Variants in DLG2 observed in about 807,000 individuals in gnomAD.
DLG2 encodes disks large homolog 2.
In DLG2, 45 loss-of-function variants were observed where a neutral mutation model predicts 132.5. The observed-to-expected ratio is 0.34, with a 90% CI of 0.27 to 0.44. The LOEUF (loss-of-function observed/expected upper bound fraction) is 0.44. Ranked by LOEUF, DLG2 falls within the 20% of genes least tolerant of loss-of-function variation. DLG2 has a pLI of 1.00. For synonymous variants in DLG2, 424 were observed against 419.6 expected, an observed-to-expected ratio of 1.01 and a Z score of -0.13; for missense variants, 1,045 against 1,196.9, an observed-to-expected ratio of 0.87 and a Z score of 1.87.
chr11:84,461,910 G>A lies in DLG2; in HGVS notation c.519+72660C>T, dbSNP rs1288568985. On this transcript the variant is annotated intron_variant, in intron 7 of 27. Coordinates refer to ENST00000376104, the MANE Select transcript of DLG2 (RefSeq NM_001142699.3). Reference sequence around the variant, plus strand: ...GCCACATAGTAGCCATTCAGTAAATGCCTGGATAAATGAATGGGTGAATGA... The same window carrying A: ...GCCACATAGTAGCCATTCAGTAAATACCTGGATAAATGAATGGGTGAATGA... Among the ~76,000 whole-genome samples the A allele has an allele frequency of 2.0e-5, 3 of 150,752 alleles. No homozygotes were observed. In the East Asian group the frequency reaches 5.9e-4, roughly 29 times the overall value.
chr11:83,607,945 T>G (rs2059578766), intron 19 of DLG2, among the ~76,000 whole-genome samples: 1 of 152,198 alleles, frequency 6.6e-6, no homozygotes, highest in Non-Finnish European at 1.5e-5. Flanking sequence ...AAATTCAGAA[T>G]AGTAGTTATT....
At chr11:84,061,946 G>A (rs546793786) in intron 10 of DLG2, among the ~76,000 whole-genome samples, 45 of 151,604 alleles carry the variant, frequency 3.0e-4, no homozygotes, top group African/African-American at 1.0e-3. Context: ...CTGGTCCTTT[G>A]AGAGTGGGTA....
At chr11:84,315,742 G>A (rs1331826244) in intron 7 of DLG2, among the ~76,000 whole-genome samples, 1 of 151,998 alleles carries the variant, frequency 6.6e-6, no homozygotes, top group Non-Finnish European at 1.5e-5. Context: ...ATCAATCAAA[G>A]GCCATATATA....
chr11:84,902,444 A>C (rs1193547666), intron 6 of DLG2, among the ~76,000 whole-genome samples: 1 of 152,120 alleles, frequency 6.6e-6, no homozygotes, highest in Admixed American at 6.6e-5. Flanking sequence ...ACAGAAGCCG[A>C]ATATCTTAAT....
intron 3 of DLG2, chr11:85,524,978 CA>C (rs2074632350): frequency 1.3e-5 from 2 of 152,248 alleles, no homozygotes; most frequent in African/African-American, 4.8e-5. Flanking sequence ...ATACATTTGA[CA>C]AATGTATATA....
chr11:84,238,626 T>A (rs752967171), intron 8 of DLG2, among the ~76,000 whole-genome samples: 1 of 151,148 alleles, frequency 6.6e-6, no homozygotes, highest in East Asian at 1.9e-4. Context: ...CCCAGAAATA[T>A]GTTTTAGTAT....
chr11:83,722,907 G>T (rs2089029853), intron 18 of DLG2, among the ~76,000 whole-genome samples: 1 of 152,154 alleles, frequency 6.6e-6, no homozygotes. Flanking sequence ...TGATTTTTAA[G>T]TCCAGAACGT....
intron 6 of DLG2, among the ~76,000 whole-genome samples, chr11:84,638,680 A>T (rs556812373): frequency 2.0e-5 from 3 of 152,328 alleles, no homozygotes; most frequent in African/African-American, 7.2e-5. Context: ...AGTATGAAGT[A>T]GAAGGAACAG....
chr11:85,102,281 T>C (rs1461795043), intron 6 of DLG2, among the ~76,000 whole-genome samples: 1 of 152,040 alleles, frequency 6.6e-6, no homozygotes. Flanking sequence ...CTTCTCTGAG[T>C]TTCAGTTTCC....
At chr11:84,634,367 T>C (rs1565512404) in intron 6 of DLG2, among the ~76,000 whole-genome samples, 4 of 152,228 alleles carry the variant, frequency 2.6e-5, no homozygotes. Flanking sequence ...TGTCTACTTA[T>C]TTAAGTTCAT....
intron 3 of DLG2, among the ~76,000 whole-genome samples, chr11:85,485,383 A>AG: frequency 6.6e-6 from 1 of 152,190 alleles, no homozygotes; most frequent in South Asian, 2.1e-4. Context: ...ATAGAAAAAA[A>AG]AAAGATGCAA....
intron 8 of DLG2, among the ~76,000 whole-genome samples, chr11:84,241,379 G>A (rs920555563): frequency 2.0e-5 from 3 of 152,134 alleles, no homozygotes; most frequent in Admixed American, 6.5e-5. Context: ...AAGAGCCTTC[G>A]GGGAAGCTCC....
intron 26 of DLG2, 72 bp from the exon 27 acceptor site, chr11:83,462,165 A>G: frequency 1.0e-6 from 1 of 996,452 alleles, no homozygotes; most frequent in Non-Finnish European, 1.6e-6. Context: ...AATGTATGGC[A>G]AAAATAAATC....
intron 7 of DLG2, among the ~76,000 whole-genome samples, chr11:84,278,143 T>G (rs899080871): frequency 6.6e-5 from 10 of 150,460 alleles, no homozygotes; most frequent in African/African-American, 2.4e-4. Context: ...CAGCCTCAGT[T>G]TCTCAAAGTG....
intron 3 of DLG2, among the ~76,000 whole-genome samples, chr11:85,563,703 C>T (rs529777767): frequency 2.7e-5 from 4 of 147,266 alleles, no homozygotes; most frequent in Non-Finnish European, 4.6e-5. Flanking sequence ...TATACCAAAA[C>T]TGGTTTATCT....
intron 18 of DLG2, among the ~76,000 whole-genome samples, chr11:83,708,516 G>A (rs937355920): frequency 6.6e-6 from 1 of 152,154 alleles, no homozygotes; most frequent in Non-Finnish European, 1.5e-5. Flanking sequence ...CAGAAATTTG[G>A]TAATCATTCT....
chr11:85,499,777 A>G (rs1354729183), intron 3 of DLG2, among the ~76,000 whole-genome samples: 1 of 152,170 alleles, frequency 6.6e-6, no homozygotes, highest in Non-Finnish European at 1.5e-5. Flanking sequence ...CCCTGGGGTG[A>G]AAGGCTAGTT....
chr11:84,156,209 A>G (rs1038801351), intron 9 of DLG2, among the ~76,000 whole-genome samples: 1 of 152,160 alleles, frequency 6.6e-6, no homozygotes, highest in Admixed American at 6.5e-5. Flanking sequence ...GCCATAGACA[A>G]CTTTGATATC....
chr11:84,708,736 A>T (rs2060046567), intron 6 of DLG2, among the ~76,000 whole-genome samples: 1 of 151,768 alleles, frequency 6.6e-6, no homozygotes, highest in African/African-American at 2.4e-5. Context: ...GGCTTGAGAG[A>T]CCAACCATAG....
Sources: allele counts gnomAD v4.1 joint callset (sites outside exome capture counted in the v4.1 genomes callset), GRCh38; gene constraint gnomAD v4.1.1; transcripts MANE v1.5; gene names NCBI Gene and HGNC (gene_info 2026-07-23, HGNC 2026-07-21).